HERC2: variants seen among roughly 807,000 people sequenced by gnomAD.
The protein encoded by HERC2 is HECT and RLD domain containing E3 ubiquitin protein ligase 2, also known as E3 ubiquitin-protein ligase HERC2.
HERC2 carries 102 observed loss-of-function variants against 537.7 expected under a neutral mutation model. The observed-to-expected ratio is 0.19, with a 90% CI of 0.16 to 0.22. HERC2 has a LOEUF of 0.22. Ranked by LOEUF, HERC2 falls within the 10% of genes least tolerant of loss-of-function variation. The pLI is 1.00. For missense variants in HERC2, 4,236 were observed against 6,198.2 expected (o/e 0.68, Z 10.63); for synonymous variants, 2,224 against 2,466.2 (o/e 0.90, Z 2.91).
intron 38 of HERC2, among the ~76,000 whole-genome samples, chr15:28,216,315 T>A (rs1027537333): frequency 1.4e-5 from 2 of 146,972 alleles, no homozygotes; most frequent in Non-Finnish European, 3.0e-5. Flanking sequence ...ACTTAAATAT[T>A]TTTTTTTTTT....
intron 83 of HERC2, among the ~76,000 whole-genome samples, chr15:28,129,539 C>T (rs1306990550): frequency 6.6e-6 from 1 of 152,226 alleles, no homozygotes; most frequent in East Asian, 1.9e-4. Context: ...ACACCTACCA[C>T]CTAGGGAACA....
Position 28,321,508 on chromosome 15 carries a change from G to T in HERC2, c.-31-44C>A, listed in dbSNP as rs1221679630. 3.8e-6 allele frequency: 4 copies of T among 1,040,322 alleles called. 1 individual carries two copies. In the Admixed American group the frequency reaches 5.3e-5, roughly 14 times the overall value. 64.4% of individuals were successfully genotyped at this position (1,040,322 alleles called of 1,614,324 possible). ...GCTGAAGACCTAACGCTTTTTAATA[G>T]TTTACAAAGACACTCCCGAAAGCCA... is the stretch of plus-strand genomic sequence containing the variant. On this transcript the variant is annotated intron_variant, in intron 1 of 92. Coordinates refer to ENST00000261609, the MANE Select transcript of HERC2 (RefSeq NM_004667.6).
intron 78 of HERC2, among the ~76,000 whole-genome samples, chr15:28,136,104 T>A (rs1175540858): frequency 7.4e-6 from 1 of 134,958 alleles, no homozygotes; most frequent in Non-Finnish European, 1.6e-5. Context: ...CAGGGCAGCA[T>A]ATAAACCACA....
At chr15:28,179,738 C>T (rs1234581724) in intron 57 of HERC2, among the ~76,000 whole-genome samples, 1 of 152,208 alleles carries the variant, frequency 6.6e-6, no homozygotes, top group Non-Finnish European at 1.5e-5. Flanking sequence ...GAGAGCAACA[C>T]TATGATCCTA....
chr15:28,229,531 G>C lies in HERC2; in HGVS notation c.5049C>G (p.Phe1683Leu). Reference protein sequence around the residue: ...DTILKLASKNFLLPSVQYAMF... With the variant: ...DTILKLASKNLLLPSVQYAMF... The stretch of plus-strand genomic sequence containing the variant: ...TCGCATACTGCACAGATGGAAGTAA[G>C]AAATTCTTGCTCGCCAGTTTTAAAA... The change falls in exon 33 of 93, where the codon TTC becomes TTG. Residue 1683 changes from phenylalanine (F) to leucine (L), a missense_variant. Transcript: ENST00000261609. 6.2e-7 allele frequency: 1 copy of C among 1,613,906 alleles called. No homozygotes were observed. The highest frequency in any genetic ancestry group is 1.3e-5 in the African/African-American group (1 of 75,046).
chr15:28,193,838 G>A (rs2140284492), intron 52 of HERC2, among the ~76,000 whole-genome samples: 1 of 152,164 alleles, frequency 6.6e-6, no homozygotes, highest in South Asian at 2.1e-4. Flanking sequence ...AAAAATAAAG[G>A]AGAAATAAAG....
At chr15:28,199,793 C>T (rs1404951376) in intron 48 of HERC2, among the ~76,000 whole-genome samples, 1 of 152,112 alleles carries the variant, frequency 6.6e-6, no homozygotes, top group Non-Finnish European at 1.5e-5. Context: ...GTCCAATCAC[C>T]CTCCAACCCT....
At chr15:28,156,235 T>C (rs1421423277) in intron 69 of HERC2, among the ~76,000 whole-genome samples, 1 of 152,222 alleles carries the variant, frequency 6.6e-6, no homozygotes, top group African/African-American at 2.4e-5. Context: ...AGGATTGACT[T>C]GGCAATGCGG....
intron 23 of HERC2, among the ~76,000 whole-genome samples, chr15:28,241,934 TGATG>T: frequency 6.6e-6 from 1 of 152,334 alleles, no homozygotes; most frequent in South Asian, 2.1e-4. Flanking sequence ...TGTCATCAAC[TGATG>T]GATGGACAGC....
chr15:28,178,760 A>C, intron 59 of HERC2, 127 bp downstream of exon 59: 2 of 1,055,620 alleles, frequency 1.9e-6, no homozygotes, highest in Non-Finnish European at 2.7e-6. Context: ...GATTTACATT[A>C]TCCAATTTTT....
chr15:28,152,695 C>T lies in HERC2; in HGVS notation c.10882G>A (p.Gly3628Ser). ...CCTGTACCTGGTATCTTCACTGTGC[C>T]ACTGGTGGAGGTGTCGTCGGTGTAA... The part of the protein sequence containing the change: ...HPYTDDTSTS[G>S]TVKIPGAEGL... Residue 3628 changes from glycine (G) to serine (S), a missense_variant, in exon 70 of 93, where the codon GGC becomes AGC. Transcript: ENST00000261609. 2.6e-6 allele frequency: 4 copies of T among 1,550,492 alleles called. No individual in the cohort carries two copies. The highest frequency in any genetic ancestry group is 3.5e-6 in the Non-Finnish European group (4 of 1,146,684).
At chr15:28,212,399 G>A (rs1307611763) in intron 43 of HERC2, 46 bp downstream of exon 43, 19 of 1,538,588 alleles carry the variant, frequency 1.2e-5, no homozygotes, top group Middle Eastern at 2.4e-4. Flanking sequence ...CAAACGACAC[G>A]AGTTTAAGAC....
chr15:28,170,265 G>T (rs1433250723), intron 65 of HERC2, among the ~76,000 whole-genome samples: 4 of 152,220 alleles, frequency 2.6e-5, no homozygotes, highest in African/African-American at 9.7e-5. Context: ...GAGGAGGAAT[G>T]AGTCTACCCA....
chr15:28,141,756 C>T lies in HERC2; in HGVS notation c.11791G>A (p.Glu3931Lys), dbSNP rs1161403619. The T allele has an allele frequency of 3.7e-6, 6 of 1,614,086 alleles. No homozygotes were observed. Among genetic ancestry groups the T allele is most frequent in the East Asian group, 2.2e-5 (1 of 44,878 alleles). ...CTGTTCATCCACTGCACAAGTTGTT[C>T]GTCTTGCTCTCTTTTAAAAATGTCA... is the stretch of plus-strand genomic sequence containing the variant. The part of the protein sequence containing the change: ...SHDIFKREQD[E>K]QLVQWMNRRP... Residue 3931 changes from glutamate to lysine, a missense_variant, in exon 77 of 93, where the codon GAA (glutamate) becomes AAA (lysine). Glu to Lys is a moderately conservative substitution (Grantham distance 56). Coordinates refer to ENST00000261609, the MANE Select transcript of HERC2 (RefSeq NM_004667.6).
At chr15:28,308,391 GTA>G (rs1207055511) in intron 2 of HERC2, among the ~76,000 whole-genome samples, 6 of 152,150 alleles carry the variant, frequency 3.9e-5, no homozygotes. Flanking sequence ...ACTGATTTTT[GTA>G]TGTTGATTTC....
intron 22 of HERC2, among the ~76,000 whole-genome samples, 153 bp downstream of exon 22, chr15:28,246,589 G>A (rs531741688): frequency 6.6e-6 from 1 of 151,470 alleles, no homozygotes; most frequent in Non-Finnish European, 1.5e-5. Flanking sequence ...CAACAGAACT[G>A]TCAGTAACTA....
In HERC2 at chr15:28,245,994, G is replaced by A; in HGVS notation, c.3464C>T (p.Ala1155Val). The A allele has an allele frequency of 6.2e-7, 1 of 1,613,908 alleles. No individual in the cohort carries two copies. The highest frequency in any genetic ancestry group is 8.5e-7 in the Non-Finnish European group (1 of 1,179,844). Reference protein sequence around the residue: ...LSKNAGLMQEAGAVPLLGGLL... With the variant: ...LSKNAGLMQEVGAVPLLGGLL... ...GCCACCCAGCAGAGGTACAGCTCCA[G>A]CCTCTTGCATGAGACCAGCATTTTT... Residue 1155 changes from alanine to valine, a missense_variant, in exon 23 of 93, where the codon GCT becomes GTT. Physicochemically the swap from Ala to Val is moderately conservative, Grantham distance 64. This residue lies in a region of HERC2 where 754 missense variants were observed against 1,085.0 expected (regional missense o/e 0.69). Coordinates refer to ENST00000261609, the MANE Select transcript of HERC2 (RefSeq NM_004667.6).
At chr15:28,189,668 A>T (rs1430953673) in intron 55 of HERC2, among the ~76,000 whole-genome samples, 1 of 152,230 alleles carries the variant, frequency 6.6e-6, no homozygotes, top group African/African-American at 2.4e-5. Flanking sequence ...AGAGGATTTT[A>T]AATGTTCTCA....
At chr15:28,255,179 A>T (rs1300781792) in intron 19 of HERC2, among the ~76,000 whole-genome samples, 1 of 152,094 alleles carries the variant, frequency 6.6e-6, no homozygotes, top group African/African-American at 2.4e-5. Context: ...CTACAAAAAA[A>T]TCACAAAACT....
Sources: gnomAD v4.1 joint callset for allele counts (sites outside exome capture counted in the v4.1 genomes callset) on GRCh38, gnomAD v4.1.1 for gene constraint, gnomAD v4.1.1 regional missense constraint, MANE v1.5 for transcripts, NCBI Gene and HGNC (gene_info 2026-07-23, HGNC 2026-07-21) for gene names.